Variants in BABAM2 observed in about 807,000 individuals in gnomAD.
BABAM2 encodes BRISC and BRCA1-A complex member 2.
A neutral mutation model predicts 54.7 loss-of-function variants in BABAM2; 31 were observed. The observed-to-expected ratio is 0.57, with a 90% CI of 0.43 to 0.77. BABAM2 has a LOEUF of 0.77. Ranked by LOEUF, BABAM2 falls within the 30% of genes least tolerant of loss-of-function variation. The probability of loss-of-function intolerance (pLI) is 0.00; values close to 1 mark genes in which losing one functional copy is unlikely to be tolerated. For missense variants in BABAM2, 364 were observed against 455.8 expected (o/e 0.80, Z 1.83); for synonymous variants, 167 against 162.9 (o/e 1.03, Z -0.19).
At chr2:28,244,349 G>A (rs1385708562) in intron 9 of BABAM2, among the ~76,000 whole-genome samples, 1 of 152,190 alleles carries the variant, frequency 6.6e-6, no homozygotes, top group Non-Finnish European at 1.5e-5. Context: ...TGTACAGGTA[G>A]TATGCTGACA....
intron 2 of BABAM2, among the ~76,000 whole-genome samples, chr2:27,895,467 GT>G (rs1278290266): frequency 1.3e-5 from 2 of 152,116 alleles, no homozygotes; most frequent in African/African-American, 4.8e-5. Flanking sequence ...TGAAAAATAT[GT>G]TTTTTTCCCA....
At chr2:27,919,879 A>G (rs1030974280) in intron 2 of BABAM2, among the ~76,000 whole-genome samples, 1 of 152,200 alleles carries the variant, frequency 6.6e-6, no homozygotes, top group African/African-American at 2.4e-5. Context: ...AAATGGAGAT[A>G]TGGCATAGAA....
intron 7 of BABAM2, among the ~76,000 whole-genome samples, chr2:28,211,386 C>CTTTTTTTT (rs770284745): frequency 0.24 from 23,157 of 96,480 alleles, 4,590 homozygotes; most frequent in Non-Finnish European, 0.33. Context: ...TCCTTATTAT[C>CTTTTTTTT]TTTTTTTTTT....
chr2:28,207,827 A>G (rs1320469912), intron 7 of BABAM2, among the ~76,000 whole-genome samples: 1 of 152,184 alleles, frequency 6.6e-6, no homozygotes, highest in Non-Finnish European at 1.5e-5. Flanking sequence ...TTTAAAATAC[A>G]GGTATGTCTA....
At chr2:27,949,405 G>T (rs1027679502) in intron 3 of BABAM2, among the ~76,000 whole-genome samples, 3 of 151,898 alleles carry the variant, frequency 2.0e-5, no homozygotes, top group Admixed American at 6.6e-5. Context: ...GTGGTGATGG[G>T]TGCCTGTGAT....
intron 10 of BABAM2, among the ~76,000 whole-genome samples, chr2:28,268,284 A>G (rs1685151878): frequency 6.6e-6 from 1 of 152,244 alleles, no homozygotes; most frequent in Admixed American, 6.5e-5. Flanking sequence ...TAGCCTATCA[A>G]GACTCAGTCT....
intron 7 of BABAM2, among the ~76,000 whole-genome samples, chr2:28,209,003 C>A (rs1679178445): frequency 2.0e-5 from 3 of 152,168 alleles, no homozygotes; most frequent in Non-Finnish European, 2.9e-5. Context: ...TCAGGCAAGT[C>A]TGAATGTGGC....
intron 4 of BABAM2, among the ~76,000 whole-genome samples, chr2:28,019,217 A>G (rs1221582096): frequency 6.6e-6 from 1 of 152,198 alleles, no homozygotes; most frequent in East Asian, 1.9e-4. Flanking sequence ...TCCATGGTAT[A>G]TATATGCCAC....
intron 7 of BABAM2, among the ~76,000 whole-genome samples, chr2:28,231,085 T>G (rs2148040037): frequency 6.6e-6 from 1 of 152,358 alleles, no homozygotes; most frequent in South Asian, 2.1e-4. Flanking sequence ...ACTTGCTGGG[T>G]TATCTTGGAT....
intron 7 of BABAM2, among the ~76,000 whole-genome samples, chr2:28,142,708 C>G (rs903186412): frequency 2.6e-5 from 4 of 152,082 alleles, no homozygotes; most frequent in African/African-American, 4.8e-5. Context: ...CCTCCTCTGA[C>G]CTAGTACTTT....
At chr2:28,212,529 A>C (rs1401393156) in intron 7 of BABAM2, among the ~76,000 whole-genome samples, 1 of 152,134 alleles carries the variant, frequency 6.6e-6, no homozygotes, top group South Asian at 2.1e-4. Context: ...TTTTTCCTAC[A>C]TTTATCAGAT....
At chr2:28,058,556 T>C (rs1678610053) in intron 6 of BABAM2, among the ~76,000 whole-genome samples, 1 of 150,304 alleles carries the variant, frequency 6.7e-6, no homozygotes, top group South Asian at 2.1e-4. Context: ...ATAAAATATA[T>C]ATATATATGT....
At chr2:28,097,039 CT>C (rs1316290807) in intron 6 of BABAM2, among the ~76,000 whole-genome samples, 9 of 152,090 alleles carry the variant, frequency 5.9e-5, no homozygotes, top group Non-Finnish European at 1.2e-4. Flanking sequence ...ATAAACCAGT[CT>C]GTTAAGTAGG....
chr2:28,226,304 C>T (rs1216546858), intron 7 of BABAM2, among the ~76,000 whole-genome samples: 1 of 152,176 alleles, frequency 6.6e-6, no homozygotes, highest in Non-Finnish European at 1.5e-5. Context: ...TTAAACTCTT[C>T]TTTTCCATAA....
chr2:28,096,838 C>A (rs141540120), intron 6 of BABAM2, among the ~76,000 whole-genome samples: 1 of 148,396 alleles, frequency 6.7e-6, no homozygotes, highest in East Asian at 2.0e-4. Context: ...TGGATTATTT[C>A]TTTGAACTAA....
intron 7 of BABAM2, among the ~76,000 whole-genome samples, chr2:28,131,067 A>AT (rs1375422651): frequency 0.021 from 35 of 1,658 alleles, 4 homozygotes; most frequent in Non-Finnish European, 0.051. Flanking sequence ...TATTATTATT[A>AT]TTATTATTAT....
At chr2:28,064,322 T>G (rs1426672628) in intron 6 of BABAM2, among the ~76,000 whole-genome samples, 2 of 152,202 alleles carry the variant, frequency 1.3e-5, no homozygotes, top group Non-Finnish European at 2.9e-5. Context: ...CTTGTTTCAT[T>G]TGAAGTATAT....
chr2:28,245,817 TCAGA>T (rs1682865459), intron 10 of BABAM2, among the ~76,000 whole-genome samples: 1 of 152,200 alleles, frequency 6.6e-6, no homozygotes, highest in African/African-American at 2.4e-5. Flanking sequence ...AGCCAAGGCA[TCAGA>T]CAGTGTAAAG....
At chr2:28,020,126 A>G (rs1029951211) in intron 4 of BABAM2, among the ~76,000 whole-genome samples, 6 of 152,232 alleles carry the variant, frequency 3.9e-5, no homozygotes, top group African/African-American at 1.2e-4. Context: ...TACTTGAAGC[A>G]TACGTGTTTA....
Sources: allele counts gnomAD v4.1 joint callset (sites outside exome capture counted in the v4.1 genomes callset), GRCh38; gene constraint gnomAD v4.1.1; transcripts MANE v1.5; gene names NCBI Gene and HGNC (gene_info 2026-07-23, HGNC 2026-07-21).